Variants in RHOQ observed in about 807,000 individuals in gnomAD.
The protein encoded by RHOQ is ras homolog family member Q, also known as rho-related GTP-binding protein RhoQ.
RHOQ carries 7 observed loss-of-function variants against 25.8 expected under a neutral mutation model. The observed-to-expected ratio is 0.27, with a 90% confidence interval of 0.15 to 0.51. The LOEUF (loss-of-function observed/expected upper bound fraction) is 0.51. RHOQ is among the 20% of genes least tolerant of loss of function. RHOQ has a pLI of 0.97. For missense variants in RHOQ, 165 were observed against 260.6 expected (o/e 0.63, Z 2.53); for synonymous variants, 97 against 98.6 (o/e 0.98, Z 0.10).
At position 46,552,919 on chromosome 2, in the gene RHOQ, G is replaced by T. The variant is rs1159691538; in HGVS notation, c.201+9107G>T. Among the ~76,000 whole-genome samples the T allele has an allele frequency of 6.6e-6, 1 of 152,184 alleles. No individual in the cohort carries two copies. The highest frequency in any genetic ancestry group is 1.9e-4 in the East Asian group (1 of 5,196). Reference sequence around the variant, plus strand: ...GCTAGTAAGAGTTAAGTTGAGTAAGGTTGTTTCCACGAAAGTTGTTTTTTA... The same window carrying T: ...GCTAGTAAGAGTTAAGTTGAGTAAGTTTGTTTCCACGAAAGTTGTTTTTTA... On this transcript the variant is annotated intron_variant, in intron 2 of 4. Coordinates refer to ENST00000238738, the MANE Select transcript of RHOQ (RefSeq NM_012249.4). The surrounding 1 kb of genome is among the most constrained non-coding windows in gnomAD (Gnocchi z 5.0).
intron 2 of RHOQ, among the ~76,000 whole-genome samples, chr2:46,561,113 C>T (rs1668563957): frequency 6.7e-6 from 1 of 149,062 alleles, no homozygotes. Context: ...TGTGTGTGTG[C>T]GCACGTTTAT....
chr2:46,576,521 T>C lies in RHOQ; in HGVS notation c.367-40T>C, dbSNP rs774977046. On this transcript the variant is annotated intron_variant, in intron 3 of 4. Transcript: ENST00000238738. The surrounding 1 kb of genome is among the most constrained non-coding windows in gnomAD (Gnocchi z 5.1). ...ACATGCTTTGATTTTTCTTTAAAGA[T>C]TTGTAATATTATGGGACATTATTGA... 4 of 1,248,696 alleles carry C rather than the reference T, an allele frequency of 3.2e-6. No homozygotes were observed. Among genetic ancestry groups the C allele is most frequent in the Non-Finnish European group, 4.6e-6 (4 of 877,598 alleles). 77.4% of individuals were successfully genotyped at this position (1,248,696 alleles called of 1,614,324 possible).
chr2:46,546,685 T>A (rs1416523514), intron 2 of RHOQ, among the ~76,000 whole-genome samples: 2 of 151,522 alleles, frequency 1.3e-5, no homozygotes, highest in Admixed American at 6.6e-5. Flanking sequence ...AATTAGAATC[T>A]GCATTACAAG....
At chr2:46,578,274 G>T (rs1669206493) in intron 4 of RHOQ, among the ~76,000 whole-genome samples, 1 of 152,102 alleles carries the variant, frequency 6.6e-6, no homozygotes, top group South Asian at 2.1e-4. Context: ...AATCAAAGCA[G>T]TCTTGACAGT....
Position 46,576,261 on chromosome 2 carries a change from G to T in RHOQ, c.366+10G>T, listed in dbSNP as rs1290351992. ...ATTAATAGGAACTCAGGTATGTCTG[G>T]TTTGATTTTCTGCATTTTAGAATAA... On this transcript the variant is annotated intron_variant, in intron 3 of 4. Transcript: ENST00000238738. This position sits in a 1 kb window ranked among gnomAD's most constrained non-coding sequence, Gnocchi z 5.1. The T allele has an allele frequency of 3.1e-6, 5 of 1,601,926 alleles. No individual in the cohort carries two copies. In the East Asian group the frequency reaches 1.1e-4, roughly 36 times the overall value.
At chr2:46,565,261 C>T (rs1334623342) in intron 2 of RHOQ, among the ~76,000 whole-genome samples, 1 of 152,152 alleles carries the variant, frequency 6.6e-6, no homozygotes, top group Non-Finnish European at 1.5e-5. Context: ...GGGCCAGGGT[C>T]CCCAGGGGCA....
rs1323643237 is a variant in RHOQ at position 46,555,886 on chromosome 2, T to C, written c.201+12074T>C. The stretch of plus-strand genomic sequence containing the variant: ...TGAACAAGCTAGTATGGAAGTAGCA[T>C]CTAGGCAAGCTGGTGTTAAGACGCA... On this transcript the variant is annotated intron_variant, in intron 2 of 4. Coordinates refer to ENST00000238738, the MANE Select transcript of RHOQ (RefSeq NM_012249.4). This position sits in a 1 kb window ranked among gnomAD's most constrained non-coding sequence, Gnocchi z 4.3. Among the ~76,000 whole-genome samples, 2 of 152,226 alleles carry C rather than the reference T, an allele frequency of 1.3e-5. No homozygotes were observed. The highest frequency in any genetic ancestry group is 4.8e-5 in the African/African-American group (2 of 41,448).
In RHOQ at chr2:46,575,685, T is replaced by C. The variant is rs190375204; in HGVS notation, c.202-402T>C. Among the ~76,000 whole-genome samples, 17 of 152,330 alleles carry C rather than the reference T, an allele frequency of 1.1e-4. No individual in the cohort carries two copies. In the East Asian group the frequency reaches 3.1e-3, roughly 28 times the overall value. On this transcript the variant is annotated intron_variant, in intron 2 of 4. Transcript: ENST00000238738. ...TTACAAGGATTAAATAAGTAATCCA[T>C]GAGAGAGCATATAGACTAGTGCCTG...
At chr2:46,553,178 T>C (rs1171073643) in intron 2 of RHOQ, among the ~76,000 whole-genome samples, 1 of 152,202 alleles carries the variant, frequency 6.6e-6, no homozygotes, top group Admixed American at 6.5e-5. Context: ...TCAGAGTCAC[T>C]GAATTAATGA....
chr2:46,543,027 G>C lies in RHOQ; in HGVS notation c.-20G>C. The C allele has an allele frequency of 6.4e-7, 1 of 1,561,430 alleles. No homozygotes were observed. Among genetic ancestry groups the C allele is most frequent in the Non-Finnish European group, 8.6e-7 (1 of 1,156,908 alleles). On this transcript the variant is annotated 5_prime_UTR_variant, in exon 1 of 5. Coordinates refer to ENST00000238738, the MANE Select transcript of RHOQ (RefSeq NM_012249.4). ...CGGGGGCTCCGGGGGGACCATGCCC[G>C]GAGGCCGGCCGGCAGCAGCATGGCT...
chr2:46,577,869 G>A (rs1669191555), intron 4 of RHOQ, among the ~76,000 whole-genome samples: 1 of 151,762 alleles, frequency 6.6e-6, no homozygotes, highest in African/African-American at 2.4e-5. Flanking sequence ...GGGGAGAGAA[G>A]GAATTTCTAA....
rs1453225596 is a variant in RHOQ at position 46,583,795 on chromosome 2, T to TGAC, written c.*2713_*2715dup. 1.3e-5 allele frequency among the ~76,000 whole-genome samples: 2 copies of TGAC among 152,182 alleles called. No individual in the cohort carries two copies. The highest frequency in any genetic ancestry group is 4.8e-5 in the African/African-American group (2 of 41,460). ...ATAAACTGCTTCAAAAATATTTTAC[T>TGAC]GACATGAATTTTGCTAGTGAATACA... is the stretch of plus-strand genomic sequence containing the variant. On this transcript the variant is annotated 3_prime_UTR_variant, in exon 5 of 5. Coordinates refer to ENST00000238738, the MANE Select transcript of RHOQ (RefSeq NM_012249.4).
Position 46,543,766 on chromosome 2 carries a change from T to A in RHOQ, c.155T>A (p.Val52Glu). Residue 52 changes from valine to glutamate, a missense_variant, in exon 2 of 5, where the codon GTG becomes GAG. Transcript: ENST00000238738. ...VFDHYAVSVT[V>E]GGKQYLLGLY... ...TCTGTCCTTGCAGTCAGCGTCACCG[T>A]GGGGGGCAAGCAGTACCTCCTAGGA... The A allele has an allele frequency of 6.2e-7, 1 of 1,613,654 alleles. No individual in the cohort carries two copies. The highest frequency in any genetic ancestry group is 1.7e-5 in the Admixed American group (1 of 59,988).
chr2:46,572,220 A>C lies in RHOQ; in HGVS notation c.202-3867A>C, dbSNP rs968379076. ...TGAGCTCAACTGATCCACCCACCTG[A>C]GCCTCCTGAGTAGCTGGGACTGCAG... On this transcript the variant is annotated intron_variant, in intron 2 of 4. Transcript: ENST00000238738. Among the ~76,000 whole-genome samples, 104 of 141,736 alleles carry C rather than the reference A, an allele frequency of 7.3e-4. No homozygotes were observed. The Admixed American group carries it at 7.3e-3, about 10-fold the overall frequency. The allele number at this position is 141,736 out of a possible 152,430, so 93.0% of individuals were successfully genotyped here.
At chr2:46,546,607 C>T (rs910181874) in intron 2 of RHOQ, among the ~76,000 whole-genome samples, 4 of 146,958 alleles carry the variant, frequency 2.7e-5, no homozygotes, top group Non-Finnish European at 6.0e-5. Flanking sequence ...GGGCTCAGAT[C>T]TCCACCTTAG....
chr2:46,543,300 C>T, intron 1 of RHOQ, 112 bp downstream of exon 1: 1 of 1,259,700 alleles, frequency 7.9e-7, no homozygotes, highest in Non-Finnish European at 1.1e-6. Flanking sequence ...TCCCCTCCCC[C>T]GCCGCGCCCT....
chr2:46,572,105 G>GTGTT (rs1343848221), intron 2 of RHOQ, among the ~76,000 whole-genome samples: 2 of 91,034 alleles, frequency 2.2e-5, no homozygotes, highest in African/African-American at 1.4e-4. Flanking sequence ...TGGTAAGTGT[G>GTGTT]TGTTTTTTTT....
chr2:46,570,447 T>TA (rs879866641), intron 2 of RHOQ, among the ~76,000 whole-genome samples: 2,641 of 117,794 alleles, frequency 0.022, 26 homozygotes, highest in Middle Eastern at 0.046. Flanking sequence ...TCTCAAAAAA[T>TA]AAAAAAAAAA....
At chr2:46,579,621 C>A (rs764823860) in intron 4 of RHOQ, among the ~76,000 whole-genome samples, 3 of 152,112 alleles carry the variant, frequency 2.0e-5, no homozygotes, top group Admixed American at 6.6e-5. Context: ...GAGCCCGAGG[C>A]GGGCAGAATT....
Sources: gnomAD v4.1 joint callset for allele counts (sites outside exome capture counted in the v4.1 genomes callset) on GRCh38, gnomAD v4.1.1 for gene constraint, Gnocchi (gnomAD v3.1) non-coding constraint, MANE v1.5 for transcripts, NCBI Gene and HGNC (gene_info 2026-07-23, HGNC 2026-07-21) for gene names.